The following LAMA1 variants were observed in gnomAD, a reference collection of about 807,000 sequenced individuals.
The protein encoded by LAMA1 is laminin subunit alpha 1.
Under a neutral mutation model 348.7 loss-of-function variants are expected in LAMA1, and 219 were observed. The observed-to-expected ratio is 0.63, with a 90% CI of 0.56 to 0.70. The LOEUF (loss-of-function observed/expected upper bound fraction) is 0.70. Among genes scored for constraint, LAMA1 ranks in the 30% least tolerant of loss-of-function variants. The probability of loss-of-function intolerance (pLI) is 0.00; values close to 1 mark genes in which losing one functional copy is unlikely to be tolerated. For synonymous variants in LAMA1, 1,487 were observed against 1,491.0 expected (o/e 1.00, Z 0.06); for missense variants, 3,744 against 3,888.0 (o/e 0.96, Z 0.99).
chr18:6,958,473 T>G lies in LAMA1; in HGVS notation c.7964+4A>C, dbSNP rs1450094554. On this transcript the variant is annotated splice_donor_region_variant and intron_variant, in intron 55 of 62. Transcript: ENST00000389658. ...AAGAACATGCAGAGAGCAGGTACAC[T>G]TACTCCAAATTGAAGATCAGGTTTT... The G allele has an allele frequency of 1.2e-6, 2 of 1,614,122 alleles. No individual in the cohort carries two copies. The highest frequency in any genetic ancestry group is 1.7e-6 in the Non-Finnish European group (2 of 1,180,002).
intron 12 of LAMA1, among the ~76,000 whole-genome samples, chr18:7,037,219 G>A (rs188508159): frequency 8.1e-4 from 124 of 152,264 alleles, no homozygotes; most frequent in Middle Eastern, 3.4e-3. Context: ...ACTAAGCCAT[G>A]GAGGCTCTAA....
chr18:7,023,296 G>A lies in LAMA1; in HGVS notation c.2569C>T (p.Pro857Ser). 2 of 1,614,108 alleles carry A rather than the reference G, an allele frequency of 1.2e-6. No individual in the cohort carries two copies. Among genetic ancestry groups the A allele is most frequent in the Admixed American group, 1.7e-5 (1 of 60,014 alleles). Residue 857 changes from proline to serine, a missense_variant, in exon 19 of 63, where the codon CCC (proline) becomes TCC (serine). By Grantham distance (74) the Pro-to-Ser change is moderately conservative. Around this residue, in one of 3 missense-constraint regions of LAMA1, gnomAD observed 1,529 missense variants for 1,689.4 expected, o/e 0.91. Coordinates refer to ENST00000389658, the MANE Select transcript of LAMA1 (RefSeq NM_005559.4). ...GAGTCACAGTGACCAGCCTCCGAGG[G>A]GTCCACGTTGCCGCTGCAGTCACAG... ...VPCDCSGNVDPSEAGHCDSVT... is the reference protein window; with the variant it reads ...VPCDCSGNVDSSEAGHCDSVT...
At chr18:6,961,207 G>C (rs1253818035) in intron 53 of LAMA1, among the ~76,000 whole-genome samples, 1 of 152,158 alleles carries the variant, frequency 6.6e-6, no homozygotes, top group Non-Finnish European at 1.5e-5. Flanking sequence ...AGAAAGTCTT[G>C]CTTCATCCAG....
intron 12 of LAMA1, among the ~76,000 whole-genome samples, chr18:7,036,950 G>A (rs2057997964): frequency 6.6e-6 from 1 of 152,118 alleles, no homozygotes; most frequent in South Asian, 2.1e-4. Flanking sequence ...AGAATCTGGA[G>A]AGATGCGGCA....
chr18:7,063,355 C>T (rs1266839568), intron 3 of LAMA1, among the ~76,000 whole-genome samples: 1 of 152,008 alleles, frequency 6.6e-6, no homozygotes. Flanking sequence ...ATGTAGGATA[C>T]ATAATATATA....
chr18:7,023,256 C>A lies in LAMA1; in HGVS notation c.2609G>T (p.Cys870Phe). 3 of 1,614,114 alleles carry A rather than the reference C, an allele frequency of 1.9e-6. No individual in the cohort carries two copies. The highest frequency in any genetic ancestry group is 2.5e-6 in the Non-Finnish European group (3 of 1,180,044). ...ATCTGTGTTCCCCAGGCACTTCAGGCACTCCCCGGTGACTGAGTCACAGTG... is the reference window on the plus strand; with the variant it reads ...ATCTGTGTTCCCCAGGCACTTCAGGAACTCCCCGGTGACTGAGTCACAGTG... The part of the protein sequence containing the change: ...AGHCDSVTGE[C>F]LKCLGNTDGA... Residue 870 changes from cysteine (C) to phenylalanine (F), a missense_variant, in exon 19 of 63, where the codon TGC (cysteine) becomes TTC (phenylalanine). This residue lies in a region of LAMA1 where 1,529 missense variants were observed against 1,689.4 expected (regional missense o/e 0.91). Coordinates refer to ENST00000389658, the MANE Select transcript of LAMA1 (RefSeq NM_005559.4).
intron 33 of LAMA1, 36 bp from the exon 34 acceptor site, chr18:6,995,482 G>C: frequency 9.2e-7 from 1 of 1,082,660 alleles, no homozygotes; most frequent in Non-Finnish European, 1.4e-6. Context: ...ACAATGCTTC[G>C]AAGTAAAATG....
At chr18:7,087,452 T>C (rs1214640415) in intron 1 of LAMA1, among the ~76,000 whole-genome samples, 1 of 152,196 alleles carries the variant, frequency 6.6e-6, no homozygotes, top group Non-Finnish European at 1.5e-5. Flanking sequence ...GAGGATGGCT[T>C]TGCTTCCAGC....
intron 3 of LAMA1, among the ~76,000 whole-genome samples, chr18:7,057,152 C>A (rs1233108427): frequency 1.3e-5 from 2 of 152,088 alleles, no homozygotes; most frequent in African/African-American, 4.8e-5. Context: ...ACATGAGGCA[C>A]CATGCCCCAA....
chr18:7,045,242 C>A (rs548091804), intron 6 of LAMA1, among the ~76,000 whole-genome samples: 11 of 152,176 alleles, frequency 7.2e-5, no homozygotes, highest in African/African-American at 2.6e-4. Context: ...TAACTTCATG[C>A]AAGTGTTTTA....
At chr18:6,996,004 T>C (rs535208433) in intron 33 of LAMA1, among the ~76,000 whole-genome samples, 190 of 152,280 alleles carry the variant, frequency 1.2e-3, no homozygotes, top group African/African-American at 4.2e-3. Context: ...TCATTCAAAA[T>C]GAGTTAAAAT....
chr18:7,082,980 G>A (rs944230226), intron 1 of LAMA1, among the ~76,000 whole-genome samples: 2 of 152,084 alleles, frequency 1.3e-5, no homozygotes, highest in Non-Finnish European at 2.9e-5. Flanking sequence ...GTGTTATTGA[G>A]GAGGGGAGGG....
chr18:7,034,655 AC>A lies in LAMA1; in HGVS notation c.1874del (p.Gly625ValfsTer11), dbSNP rs762290548. 1 of 1,614,176 alleles carries A rather than the reference AC, an allele frequency of 6.2e-7. No homozygotes were observed. The highest frequency in any genetic ancestry group is 8.5e-7 in the Non-Finnish European group (1 of 1,180,010). ...NGLTLSTQAE[G>X]LSLQPYEEYL... Reference sequence around the variant, plus strand: ...ACTCTTCATAAGGCTGCAATGACAGACCCTCAGCCTGTGTGCTTAAAGTGAG... The same window carrying A: ...ACTCTTCATAAGGCTGCAATGACAGACCTCAGCCTGTGTGCTTAAAGTGAG... On this transcript the variant is annotated frameshift_variant, in exon 14 of 63. Transcript: ENST00000389658. LOFTEE classifies it high-confidence loss of function.
chr18:7,002,296 A>G lies in LAMA1; in HGVS notation c.4350T>C (p.Ala1450=). The change falls in exon 30 of 63, where the codon GCT becomes GCC. Residue 1450 remains alanine, a synonymous_variant. Transcript: ENST00000389658. ...GKVTGSASDC[A]LCACPHSPPA... ...GAGGGCTGTGAGGACAGGCACACAG[A>G]GCACAGTCACTTGCTGAGCCAGTCA... 6.2e-7 allele frequency: 1 copy of G among 1,613,234 alleles called. No homozygotes were observed. Among genetic ancestry groups the G allele is most frequent in the South Asian group, 1.1e-5 (1 of 91,080 alleles).
intron 3 of LAMA1, among the ~76,000 whole-genome samples, chr18:7,074,366 T>C (rs1284537189): frequency 1.3e-5 from 2 of 152,338 alleles, no homozygotes; most frequent in East Asian, 3.8e-4. Context: ...TTTAAAATAG[T>C]GGTTCTCAAA....
At chr18:7,079,245 A>C (rs908893534) in intron 3 of LAMA1, 2 of 152,566 alleles carry the variant, frequency 1.3e-5, no homozygotes, top group African/African-American at 2.4e-5. Context: ...CAGAACCAGG[A>C]CAACAGCTCC....
chr18:7,034,754 A>G, intron 13 of LAMA1, 64 bp from the exon 14 acceptor site: 9 of 1,501,058 alleles, frequency 6.0e-6, no homozygotes, highest in Non-Finnish European at 8.2e-6. Context: ...TAAAAATAAA[A>G]TCAAATTTTG....
chr18:6,967,802 G>A (rs924786861), intron 48 of LAMA1, among the ~76,000 whole-genome samples: 2 of 152,072 alleles, frequency 1.3e-5, no homozygotes, highest in African/African-American at 4.8e-5. Context: ...GAGCCCGTGA[G>A]CCCTCCTCTC....
At chr18:7,016,824 C>T (rs1452955358) in intron 20 of LAMA1, among the ~76,000 whole-genome samples, 153 bp from the exon 21 acceptor site, 1 of 152,182 alleles carries the variant, frequency 6.6e-6, no homozygotes, top group Non-Finnish European at 1.5e-5. Flanking sequence ...AACATCCACT[C>T]TCTAGACAGG....
Sources: gnomAD v4.1 joint callset for allele counts (sites outside exome capture counted in the v4.1 genomes callset) on GRCh38, gnomAD v4.1.1 for gene constraint, gnomAD v4.1.1 regional missense constraint, MANE v1.5 for transcripts, NCBI Gene and HGNC (gene_info 2026-07-23, HGNC 2026-07-21) for gene names.